The following MPDZ variants were observed in gnomAD, a reference collection of about 807,000 sequenced individuals.
MPDZ encodes the protein multiple PDZ domain crumbs cell polarity complex component.
Under a neutral mutation model 239.1 loss-of-function variants are expected in MPDZ, and 234 were observed. The observed-to-expected ratio is 0.98, with a 90% CI of 0.88 to 1.09. MPDZ has a LOEUF of 1.09. Among genes scored for constraint, MPDZ ranks in the 50% least tolerant of loss-of-function variants. MPDZ has a pLI of 0.00. For missense variants in MPDZ, 3,175 were observed against 2,510.0 expected (o/e 1.26, Z -5.66); for synonymous variants, 1,048 against 881.3 (o/e 1.19, Z -3.35).
Position 13,136,772 on chromosome 9 carries a change from T to C in MPDZ, c.4232A>G (p.His1411Arg). ...INGQILYGRS[H>R]QNASSIIKCA... is the part of the protein sequence containing the mutation. Reference sequence around the variant, plus strand: ...TTTAATGATTGATGAGGCATTCTGATGACTTCTTCCATATAAAATCTGACC... The same window carrying C: ...TTTAATGATTGATGAGGCATTCTGACGACTTCTTCCATATAAAATCTGACC... The change falls in exon 30 of 47, where the codon CAT becomes CGT. Residue 1411 changes from histidine (H) to arginine (R), a missense_variant. His to Arg is a conservative substitution (Grantham distance 29). Transcript: ENST00000319217. The C allele has an allele frequency of 6.2e-7, 1 of 1,603,006 alleles. No homozygotes were observed. Among genetic ancestry groups the C allele is most frequent in the Non-Finnish European group, 8.5e-7 (1 of 1,173,768 alleles).
chr9:13,198,542 T>C (rs1955938059), intron 12 of MPDZ, among the ~76,000 whole-genome samples: 1 of 152,048 alleles, frequency 6.6e-6, no homozygotes, highest in Non-Finnish European at 1.5e-5. Flanking sequence ...TTGGGTTGTC[T>C]ATTTATATTG....
At chr9:13,163,137 T>C (rs1036700916) in intron 22 of MPDZ, among the ~76,000 whole-genome samples, 1 of 152,156 alleles carries the variant, frequency 6.6e-6, no homozygotes, top group African/African-American at 2.4e-5. Flanking sequence ...CCTAGAATAA[T>C]GATTGTCAGC....
intron 1 of MPDZ, among the ~76,000 whole-genome samples, chr9:13,253,669 T>C (rs1968687965): frequency 6.6e-6 from 1 of 152,246 alleles, no homozygotes; most frequent in African/African-American, 2.4e-5. Context: ...AGATCCAACA[T>C]GTCAGAAGAA....
At chr9:13,214,056 A>G (rs533619023) in intron 10 of MPDZ, among the ~76,000 whole-genome samples, 1 of 152,146 alleles carries the variant, frequency 6.6e-6, no homozygotes, top group East Asian at 1.9e-4. Flanking sequence ...AGATTCAGCA[A>G]TTCCACTCCT....
intron 23 of MPDZ, among the ~76,000 whole-genome samples, chr9:13,159,055 A>G (rs941086744): frequency 2.0e-5 from 3 of 152,176 alleles, no homozygotes; most frequent in South Asian, 2.1e-4. Context: ...GAATCAAAAG[A>G]AAGTATGTAA....
Position 13,174,154 on chromosome 9 carries a change from C to A in MPDZ, c.3055+1598G>T, listed in dbSNP as rs971543893. Among the ~76,000 whole-genome samples, 4 of 152,268 alleles carry A rather than the reference C, an allele frequency of 2.6e-5. No individual in the cohort carries two copies. In the East Asian group the frequency reaches 7.7e-4, roughly 29 times the overall value. The stretch of plus-strand genomic sequence containing the variant: ...TCATACATCTCCTCTTTTCTGAAAC[C>A]ATTCTAAAGTTCTCCACACTTGGAG... On this transcript the variant is annotated intron_variant, in intron 21 of 46. Coordinates refer to ENST00000319217, the MANE Select transcript of MPDZ (RefSeq NM_001378778.1).
rs147337860 is a variant in MPDZ, at chr9:13,158,206, C to T, written c.3360-96G>A. On this transcript the variant is annotated intron_variant, in intron 23 of 46. Transcript: ENST00000319217. Reference sequence around the variant, plus strand: ...TATTGATTTAGCTAAAAATGCAGGACTGTTTTATGTTTTCACCATACATGG... The same window carrying T: ...TATTGATTTAGCTAAAAATGCAGGATTGTTTTATGTTTTCACCATACATGG... The T allele has an allele frequency of 2.7e-4, 243 of 914,078 alleles. 1 individual carries two copies. The highest frequency in any genetic ancestry group is 2.6e-3 in the Middle Eastern group (12 of 4,536). 56.6% of individuals were successfully genotyped at this position (914,078 alleles called of 1,614,324 possible). A position where few individuals can be genotyped will look rare whatever the true frequency, so the allele number is the denominator to read the frequency against.
At chr9:13,175,418 T>G (rs1218496742) in intron 21 of MPDZ, among the ~76,000 whole-genome samples, 1 of 152,192 alleles carries the variant, frequency 6.6e-6, no homozygotes, top group Non-Finnish European at 1.5e-5. Context: ...TTCCAAAGAA[T>G]TTAGAATTCC....
At position 13,223,758 on chromosome 9, in the gene MPDZ, A is replaced by C. The variant is rs779591128; in HGVS notation, c.394-48T>G. 2.6e-6 allele frequency: 4 copies of C among 1,528,012 alleles called. No homozygotes were observed. In the South Asian group the frequency reaches 5.0e-5, roughly 19 times the overall value. The allele number at this position is 1,528,012 out of a possible 1,614,324, so 94.7% of individuals were successfully genotyped here. A position where few individuals can be genotyped will look rare whatever the true frequency, so the allele number is the denominator to read the frequency against. On this transcript the variant is annotated intron_variant, in intron 4 of 46. Transcript: ENST00000319217. ...AATAAAACTAAAAGCCAGGCCATGCATGGTGGTTCACGCCTGTAATCCCAG... is the reference window on the plus strand; with the variant it reads ...AATAAAACTAAAAGCCAGGCCATGCCTGGTGGTTCACGCCTGTAATCCCAG...
At chr9:13,143,767 T>C (rs978053637) in intron 26 of MPDZ, among the ~76,000 whole-genome samples, 6 of 152,134 alleles carry the variant, frequency 3.9e-5, no homozygotes, top group Admixed American at 3.9e-4. Context: ...TGAGTCTAAA[T>C]CAGGCCACAA....
Position 13,126,572 on chromosome 9 carries a change from C to G in MPDZ, c.4576G>C (p.Gly1526Arg). The G allele has an allele frequency of 6.3e-7, 1 of 1,594,900 alleles. No homozygotes were observed. Residue 1526 changes from glycine (G) to arginine (R), a missense_variant, in exon 34 of 47, where the codon GGA becomes CGA. Gly to Arg is a moderately radical substitution (Grantham distance 125). Transcript: ENST00000319217. ...VAATDGRLKV[G>R]DQILAVDDEI... ...TCATCTACAGCCAGTATCTGATCTC[C>G]GACTTTGAGTCGTCCATCCTAAATG...
At chr9:13,200,603 G>T (rs1290744650) in intron 12 of MPDZ, among the ~76,000 whole-genome samples, 2 of 151,872 alleles carry the variant, frequency 1.3e-5, no homozygotes, top group African/African-American at 4.8e-5. Context: ...CATAGGTTTG[G>T]TATGCTGTGT....
intron 1 of MPDZ, among the ~76,000 whole-genome samples, chr9:13,257,453 T>C (rs527869837): frequency 6.6e-6 from 1 of 152,280 alleles, no homozygotes; most frequent in African/African-American, 2.4e-5. Flanking sequence ...ACACTACCCA[T>C]ATTTTCCAAA....
At chr9:13,108,886 A>G (rs942707273) in intron 46 of MPDZ, 50 bp downstream of exon 46, 17 of 1,582,430 alleles carry the variant, frequency 1.1e-5, no homozygotes, top group South Asian at 4.6e-5. Context: ...GCTGACCACT[A>G]TTAATGAATG....
chr9:13,152,174 A>G (rs531092814), intron 24 of MPDZ, among the ~76,000 whole-genome samples: 78 of 152,248 alleles, frequency 5.1e-4, no homozygotes, highest in Admixed American at 1.2e-3. Flanking sequence ...ACCTCTGTAG[A>G]AGGAGAAGTC....
chr9:13,256,170 T>A (rs1251338421), intron 1 of MPDZ, among the ~76,000 whole-genome samples: 2 of 152,204 alleles, frequency 1.3e-5, no homozygotes, highest in African/African-American at 4.8e-5. Flanking sequence ...ACATTTTTTC[T>A]GCAGCTCCGT....
chr9:13,221,044 C>G (rs1564065403), intron 7 of MPDZ, among the ~76,000 whole-genome samples: 1 of 151,922 alleles, frequency 6.6e-6, no homozygotes, highest in Non-Finnish European at 1.5e-5. Context: ...AAACAGCTGA[C>G]TAGGTATATA....
At chr9:13,115,211 C>T (rs370264339) in intron 40 of MPDZ, 37 bp downstream of exon 40, 63 of 1,566,638 alleles carry the variant, frequency 4.0e-5, no homozygotes, top group Middle Eastern at 3.3e-4. Flanking sequence ...CTTGGCATGC[C>T]GATTGCATCG....
intron 15 of MPDZ, among the ~76,000 whole-genome samples, chr9:13,191,228 T>A (rs1954875041): frequency 6.6e-6 from 1 of 152,144 alleles, no homozygotes; most frequent in Non-Finnish European, 1.5e-5. Flanking sequence ...ATGTTTCTTG[T>A]TCTACCCTAT....
Sources: gnomAD v4.1 joint callset for allele counts (sites outside exome capture counted in the v4.1 genomes callset) on GRCh38, gnomAD v4.1.1 for gene constraint, MANE v1.5 for transcripts, NCBI Gene and HGNC (gene_info 2026-07-23, HGNC 2026-07-21) for gene names.